The following PBRM1 variants were observed in gnomAD, a reference collection of about 807,000 sequenced individuals.
PBRM1 encodes the protein protein polybromo-1.
In PBRM1, 27 loss-of-function variants were observed where a neutral mutation model predicts 194.5. That is an observed-to-expected ratio of 0.14 (90% confidence interval 0.10 to 0.19). PBRM1 has a LOEUF of 0.19. Among genes scored for constraint, PBRM1 ranks in the 10% least tolerant of loss-of-function variants. PBRM1 has a pLI of 1.00. For missense variants in PBRM1, 1,466 were observed against 2,077.2 expected (o/e 0.71, Z 5.72); for synonymous variants, 655 against 693.2 (o/e 0.94, Z 0.87).
intron 11 of PBRM1, among the ~76,000 whole-genome samples, chr3:52,630,533 CAG>C (rs1375782572): frequency 6.6e-6 from 1 of 152,196 alleles, no homozygotes; most frequent in Non-Finnish European, 1.5e-5. Context: ...TTCATCAACG[CAG>C]AAAGTTCTGT....
At chr3:52,644,751 C>T (rs2096240554) in exon 8 of PBRM1, 1 of 1,556,702 alleles carries the variant, frequency 6.4e-7, no homozygotes, top group Non-Finnish European at 8.8e-7. Context: ...CAATTTCAGC[C>T]TTTTTCATAT....
intron 20 of PBRM1, 122 bp from the exon 23 acceptor site, chr3:52,579,321 G>GA: frequency 2.3e-6 from 2 of 882,962 alleles, no homozygotes; most frequent in Non-Finnish European, 3.6e-6. Flanking sequence ...TTGGTTACGT[G>GA]GCTCACGTAA....
At chr3:52,602,893 C>T (rs773365874) in intron 17 of PBRM1, among the ~76,000 whole-genome samples, 11 of 152,050 alleles carry the variant, frequency 7.2e-5, no homozygotes, top group East Asian at 1.9e-4. Flanking sequence ...AAAAAATCTA[C>T]GGAGGAGATT....
At chr3:52,632,943 C>G (rs1182471128) in intron 11 of PBRM1, among the ~76,000 whole-genome samples, 4 of 152,060 alleles carry the variant, frequency 2.6e-5, no homozygotes, top group African/African-American at 4.8e-5. Flanking sequence ...ATTTGCCCAC[C>G]AAATCACTGG....
chr3:52,609,218 T>A lies in PBRM1; in HGVS notation c.2567+95A>T. The A allele has an allele frequency of 1.0e-6, 1 of 954,308 alleles. No individual in the cohort carries two copies. The highest frequency in any genetic ancestry group is 1.6e-6 in the Non-Finnish European group (1 of 629,084). 59.1% of individuals were successfully genotyped at this position (954,308 alleles called of 1,614,324 possible). A position where few individuals can be genotyped will look rare whatever the true frequency, so the allele number is the denominator to read the frequency against. On this transcript the variant is annotated intron_variant, in intron 16 of 29. Coordinates refer to ENST00000296302, the Ensembl canonical transcript of PBRM1. The surrounding 1 kb of genome is among the most constrained non-coding windows in gnomAD (Gnocchi z 4.1). Reference sequence around the variant, plus strand: ...CATGCTACCAACTACAAATCATGTATGTAAGTGGAAATAGTACATCAAAGC... The same window carrying A: ...CATGCTACCAACTACAAATCATGTAAGTAAGTGGAAATAGTACATCAAAGC...
chr3:52,574,012 T>C (rs1032467546), intron 22 of PBRM1, among the ~76,000 whole-genome samples: 1 of 152,280 alleles, frequency 6.6e-6, no homozygotes, highest in African/African-American at 2.4e-5. Context: ...CTTGCCTTTA[T>C]TGTGCTTAGC....
At chr3:52,548,033 C>T (rs1231955116) in exon 30 of PBRM1, 2 of 1,583,372 alleles carry the variant, frequency 1.3e-6, no homozygotes, top group Middle Eastern at 1.7e-4. Context: ...ACTCTTTATG[C>T]TTCTATATAA....
chr3:52,596,468 A>AAG, intron 17 of PBRM1, among the ~76,000 whole-genome samples: 1 of 122,342 alleles, frequency 8.2e-6, no homozygotes, highest in Non-Finnish European at 1.7e-5. Flanking sequence ...AAAAAAAAAA[A>AAG]AAAAAAAAAA....
chr3:52,598,492 A>G (rs1000383386), intron 17 of PBRM1, among the ~76,000 whole-genome samples: 6 of 152,206 alleles, frequency 3.9e-5, no homozygotes, highest in South Asian at 2.1e-4. Flanking sequence ...TAAGGTTTTC[A>G]ATGTTCATTT....
chr3:52,632,993 C>A (rs2095671163), intron 11 of PBRM1, among the ~76,000 whole-genome samples: 1 of 152,128 alleles, frequency 6.6e-6, no homozygotes, highest in Admixed American at 6.6e-5. Flanking sequence ...AGCCTCTGCA[C>A]CCAGCCTACC....
Position 52,609,179 on chromosome 3 carries a change from A to G in PBRM1, c.2567+134T>C, listed in dbSNP as rs2094493719. 1 of 706,160 alleles carries G rather than the reference A, an allele frequency of 1.4e-6. No homozygotes were observed. The highest frequency in any genetic ancestry group is 2.3e-6 in the Non-Finnish European group (1 of 428,772). 43.7% of individuals were successfully genotyped at this position (706,160 alleles called of 1,614,324 possible). A position where few individuals can be genotyped will look rare whatever the true frequency, so the allele number is the denominator to read the frequency against. On this transcript the variant is annotated intron_variant, in intron 16 of 29. Coordinates refer to ENST00000296302, the Ensembl canonical transcript of PBRM1. This position sits in a 1 kb window ranked among gnomAD's most constrained non-coding sequence, Gnocchi z 4.1. Reference sequence around the variant, plus strand: ...CACTCTTAAGAAGTTCTGGCTGATTAGAATTCAGAATAGCATGCTACCAAC... The same window carrying G: ...CACTCTTAAGAAGTTCTGGCTGATTGGAATTCAGAATAGCATGCTACCAAC...
chr3:52,674,686 A>G (rs1394522663), intron 2 of PBRM1, among the ~76,000 whole-genome samples: 1 of 147,702 alleles, frequency 6.8e-6, no homozygotes, highest in Admixed American at 6.8e-5. Context: ...ACACACATAT[A>G]TCTCCTTACC....
chr3:52,548,277 G>C, intron 29 of PBRM1, 42 bp from the exon 32 acceptor site: 1 of 1,506,034 alleles, frequency 6.6e-7, no homozygotes, highest in Non-Finnish European at 8.9e-7. Flanking sequence ...AGAATTTTAA[G>C]TTGGCAAAAT....
intron 11 of PBRM1, among the ~76,000 whole-genome samples, chr3:52,631,488 T>C (rs2095617622): frequency 6.6e-6 from 1 of 152,200 alleles, no homozygotes; most frequent in East Asian, 1.9e-4. Flanking sequence ...TTCTTGACTC[T>C]ATCTGGGTAT....
chr3:52,573,736 G>C (rs975080815), intron 22 of PBRM1, among the ~76,000 whole-genome samples: 1 of 152,336 alleles, frequency 6.6e-6, no homozygotes, highest in Middle Eastern at 3.4e-3. Context: ...TTGGAATTCT[G>C]TAAGATAGTC....
At chr3:52,622,068 G>C (rs1026842172) in intron 13 of PBRM1, among the ~76,000 whole-genome samples, 1 of 150,192 alleles carries the variant, frequency 6.7e-6, no homozygotes, top group African/African-American at 2.5e-5. Flanking sequence ...GGCCAAGCAT[G>C]GTGGCTCACA....
intron 20 of PBRM1, among the ~76,000 whole-genome samples, chr3:52,580,403 G>A (rs1355515247): frequency 1.3e-5 from 2 of 152,046 alleles, no homozygotes; most frequent in Non-Finnish European, 2.9e-5. Context: ...CTGTCGCCCA[G>A]GCTGGAGTGC....
At chr3:52,601,530 A>G (rs558278742) in intron 17 of PBRM1, among the ~76,000 whole-genome samples, 1 of 150,408 alleles carries the variant, frequency 6.6e-6, no homozygotes, top group African/African-American at 2.5e-5. Flanking sequence ...TCAGGGGGTA[A>G]TGTTTGCTTG....
At chr3:52,586,288 T>C (rs2092380213) in intron 20 of PBRM1, 137 bp downstream of exon 22, 2 of 729,030 alleles carry the variant, frequency 2.7e-6, no homozygotes, top group African/African-American at 1.8e-5. Flanking sequence ...TTCTTTCTGT[T>C]ATAGTTTCCT....
Sources: gnomAD v4.1 joint callset for allele counts (sites outside exome capture counted in the v4.1 genomes callset) on GRCh38, gnomAD v4.1.1 for gene constraint, Gnocchi (gnomAD v3.1) non-coding constraint, MANE v1.5 for transcripts, NCBI Gene and HGNC (gene_info 2026-07-23, HGNC 2026-07-21) for gene names.